RCBTB1: variants seen among roughly 807,000 people sequenced by gnomAD.
RCBTB1 encodes RCC1 and BTB domain containing protein 1, also known as RCC1 and BTB domain-containing protein 1.
In RCBTB1, 46 loss-of-function variants were observed where a neutral mutation model predicts 62.4. The ratio of observed to expected loss-of-function variants is 0.74; its 90% CI spans 0.58 to 0.94. RCBTB1 has a LOEUF of 0.94. Ranked by LOEUF, RCBTB1 falls within the 40% of genes least tolerant of loss-of-function variation. RCBTB1 has a pLI of 0.00. For synonymous variants in RCBTB1, 222 were observed against 245.8 expected, an observed-to-expected ratio of 0.90 and a Z score of 0.91; for missense variants, 565 against 654.9, an observed-to-expected ratio of 0.86 and a Z score of 1.50.
chr13:49,584,728 A>G (rs1292010548), intron 1 of RCBTB1, among the ~76,000 whole-genome samples: 1 of 152,230 alleles, frequency 6.6e-6, no homozygotes, highest in East Asian at 1.9e-4. Context: ...TTATTACAAG[A>G]CTGCTTTATA....
chr13:49,541,101 T>G (rs932277485), intron 11 of RCBTB1, 95 bp from the exon 12 acceptor site: 2 of 1,081,218 alleles, frequency 1.8e-6, no homozygotes, highest in Non-Finnish European at 2.6e-6. Context: ...ACAGGTAAAT[T>G]AGAAGTTTCT....
intron 2 of RCBTB1, among the ~76,000 whole-genome samples, chr13:49,572,787 G>T (rs6561544): frequency 0.22 from 34,048 of 152,124 alleles, 4,706 homozygotes; most frequent in East Asian, 0.55. Context: ...ATAAGAGTGA[G>T]ACTCTGTCTC....
chr13:49,535,553 A>C (rs554642975), intron 12 of RCBTB1, among the ~76,000 whole-genome samples: 1 of 135,892 alleles, frequency 7.4e-6, no homozygotes, highest in Admixed American at 7.2e-5. Context: ...AGCTACCACG[A>C]GGTGGGAATG....
intron 12 of RCBTB1, among the ~76,000 whole-genome samples, chr13:49,536,280 G>C (rs1230069730): frequency 6.6e-6 from 1 of 152,170 alleles, no homozygotes; most frequent in Non-Finnish European, 1.5e-5. Context: ...GGTTGAGGCA[G>C]ATCTATGTAA....
At chr13:49,544,950 G>T in intron 9 of RCBTB1, 87 bp from the exon 10 acceptor site, 4 of 1,005,850 alleles carry the variant, frequency 4.0e-6, no homozygotes, top group Non-Finnish European at 5.7e-6. Context: ...TCATGACCGT[G>T]ATGGATAATT....
intron 2 of RCBTB1, among the ~76,000 whole-genome samples, chr13:49,579,389 C>T (rs1321750603): frequency 4.6e-5 from 7 of 151,960 alleles, no homozygotes; most frequent in African/African-American, 1.7e-4. Context: ...TTTGGGAGGC[C>T]GAGGCAGGCG....
chr13:49,560,221 A>C, intron 4 of RCBTB1, 137 bp from the exon 5 acceptor site: 2 of 902,070 alleles, frequency 2.2e-6, no homozygotes, highest in Non-Finnish European at 3.4e-6. Flanking sequence ...TTAAGTAACC[A>C]TGGACAGAGT....
chr13:49,540,763 C>T (rs187795527), intron 12 of RCBTB1, 113 bp downstream of exon 12: 4 of 1,143,834 alleles, frequency 3.5e-6, no homozygotes, highest in Admixed American at 2.5e-5. Flanking sequence ...TTCACTGATT[C>T]CCTAAACAGA....
intron 9 of RCBTB1, 78 bp from the exon 10 acceptor site, chr13:49,544,941 CATG>C: frequency 8.5e-7 from 1 of 1,175,224 alleles, no homozygotes; most frequent in Non-Finnish European, 1.2e-6. Context: ...AAAAGATCAT[CATG>C]ACCGTGATGG....
chr13:49,547,033 T>C lies in RCBTB1; in HGVS notation c.1046-2170A>G, dbSNP rs946747988. The C allele has an allele frequency of 1.5e-5, 18 of 1,203,336 alleles. No individual in the cohort carries two copies. The African/African-American group carries it at 2.1e-4, about 14-fold the overall frequency. The allele number at this position is 1,203,336 out of a possible 1,614,324, so 74.5% of individuals were successfully genotyped here. A position where few individuals can be genotyped will look rare whatever the true frequency, so the allele number is the denominator to read the frequency against. On this transcript the variant is annotated intron_variant, in intron 9 of 12. Transcript: ENST00000378302. ...GATATAAGAACTGGGGGAAGCCTTT[T>C]ATAACAAGTCCAGGTTAAGTAGTAT...
At chr13:49,552,141 G>T in intron 7 of RCBTB1, 37 bp downstream of exon 7, 3 of 1,321,670 alleles carry the variant, frequency 2.3e-6, no homozygotes, top group South Asian at 1.3e-5. Context: ...AAGGAAGGTA[G>T]ATGGGAAGCC....
At chr13:49,559,543 C>G (rs1382775830) in intron 5 of RCBTB1, among the ~76,000 whole-genome samples, 1 of 150,480 alleles carries the variant, frequency 6.6e-6, no homozygotes, top group Non-Finnish European at 1.5e-5. Flanking sequence ...GTAGTCCCAG[C>G]TACTTGGGAG....
At chr13:49,564,869 C>T (rs111411444) in intron 4 of RCBTB1, among the ~76,000 whole-genome samples, 1 of 149,402 alleles carries the variant, frequency 6.7e-6, no homozygotes, top group Non-Finnish European at 1.5e-5. Flanking sequence ...CCAGCCTGGG[C>T]GACAGAGAGA....
In RCBTB1 at chr13:49,540,800, C is replaced by T. The variant is rs892930629; in HGVS notation, c.1455+76G>A. On this transcript the variant is annotated intron_variant, in intron 12 of 12. Coordinates refer to ENST00000378302, the MANE Select transcript of RCBTB1 (RefSeq NM_018191.4). The stretch of plus-strand genomic sequence containing the variant: ...GTGGAGTGACTCATCGTTTTCCATG[C>T]CTCACGCAAGAAGCGGGGGAGACGA... 2.0e-6 allele frequency: 3 copies of T among 1,493,110 alleles called. No homozygotes were observed. The East Asian group carries it at 7.2e-5, about 36-fold the overall frequency. The allele number at this position is 1,493,110 out of a possible 1,614,324, so 92.5% of individuals were successfully genotyped here.
chr13:49,575,853 A>G (rs73495297), intron 2 of RCBTB1, among the ~76,000 whole-genome samples: 1,889 of 152,274 alleles, frequency 0.012, 41 homozygotes, highest in African/African-American at 0.043. Context: ...CGCTATACCC[A>G]TGTAACAAAC....
intron 4 of RCBTB1, among the ~76,000 whole-genome samples, chr13:49,563,532 A>G (rs182790677): frequency 6.6e-6 from 1 of 152,194 alleles, no homozygotes. Context: ...GCATGGTAGC[A>G]TATGCCTCTA....
chr13:49,548,112 C>A (rs1960975787), intron 9 of RCBTB1, among the ~76,000 whole-genome samples: 1 of 151,944 alleles, frequency 6.6e-6, no homozygotes, highest in Non-Finnish European at 1.5e-5. Context: ...CATTTTTGGA[C>A]CAGGCGCAGT....
chr13:49,550,776 C>T (rs1051278427), intron 8 of RCBTB1, among the ~76,000 whole-genome samples: 1 of 152,128 alleles, frequency 6.6e-6, no homozygotes, highest in Admixed American at 6.6e-5. Context: ...ATCATATCAA[C>T]CTCATGTTCA....
chr13:49,581,623 T>C (rs1225355002), intron 1 of RCBTB1, among the ~76,000 whole-genome samples: 1 of 151,992 alleles, frequency 6.6e-6, no homozygotes, highest in Non-Finnish European at 1.5e-5. Context: ...GAGAGCAGAG[T>C]ACCTTAAGAA....
Sources: gnomAD v4.1 joint callset for allele counts (sites outside exome capture counted in the v4.1 genomes callset) on GRCh38, gnomAD v4.1.1 for gene constraint, MANE v1.5 for transcripts, NCBI Gene and HGNC (gene_info 2026-07-23, HGNC 2026-07-21) for gene names.